The following LAMTOR2 variants were observed in gnomAD, a reference collection of about 807,000 sequenced individuals.
The protein encoded by LAMTOR2 is late endosomal/lysosomal adaptor, MAPK and MTOR activator 2.
Under a neutral mutation model 15.8 loss-of-function variants are expected in LAMTOR2, and 4 were observed. The observed-to-expected ratio is 0.25, with a 90% CI of 0.12 to 0.58. The LOEUF (loss-of-function observed/expected upper bound fraction) is 0.58, where lower values mean the gene tolerates loss of function less well. Ranked by LOEUF, LAMTOR2 falls within the 20% of genes least tolerant of loss-of-function variation. The pLI is 0.91. For synonymous variants in LAMTOR2, 62 were observed against 64.1 expected, an observed-to-expected ratio of 0.97 and a Z score of 0.15; for missense variants, 100 against 161.0, an observed-to-expected ratio of 0.62 and a Z score of 2.05.
In LAMTOR2 at chr1:156,055,227, C is replaced by G. The variant is rs114401119; in HGVS notation, c.69-36C>G. The G allele has an allele frequency of 3.9e-4, 626 of 1,612,062 alleles. 2 individuals carry two copies. The African/African-American group carries it at 7.6e-3, about 20-fold the overall frequency. ...AAACCCAGACGTTTTACTCCCCGCT[C>G]TGAGCACATCGCTATCCCTCCCCGC... On this transcript the variant is annotated intron_variant, in intron 1 of 3. Transcript: ENST00000368305. The surrounding 1 kb of genome is among the most constrained non-coding windows in gnomAD (Gnocchi z 4.8).
At position 156,058,115 on chromosome 1, in the gene LAMTOR2, T is replaced by C. The variant is rs904600671; in HGVS notation, c.321+48T>C. On this transcript the variant is annotated intron_variant, in intron 3 of 3. Transcript: ENST00000368305. ...ATAGCCCTGGGCCCAGCCTTCGTGC[T>C]TCTACACTGTGTTCACTCCCACCAG... 4 of 1,580,586 alleles carry C rather than the reference T, an allele frequency of 2.5e-6. No homozygotes were observed. In the South Asian group the frequency reaches 3.3e-5, roughly 13 times the overall value.
In LAMTOR2 at chr1:156,054,804, C is replaced by A. The variant is rs961737895; in HGVS notation, c.-86C>A. The A allele has an allele frequency of 2.3e-5, 32 of 1,382,638 alleles. No individual in the cohort carries two copies. The South Asian group carries it at 3.6e-4, about 16-fold the overall frequency. 85.6% of individuals were successfully genotyped at this position (1,382,638 alleles called of 1,614,324 possible). A position where few individuals can be genotyped will look rare whatever the true frequency, so the allele number is the denominator to read the frequency against. On this transcript the variant is annotated 5_prime_UTR_variant, in exon 1 of 4. Transcript: ENST00000368305. ...CCCAGGGCGTCCCGGAGCAGGCCAA[C>A]GGGACTACGGGAAGCAGCGGGCAGC...
rs1188398305 is a variant in LAMTOR2 at position 156,055,325 on chromosome 1, T to C, written c.131T>C (p.Val44Ala). 5.6e-6 allele frequency: 9 copies of C among 1,614,148 alleles called. No homozygotes were observed. Among genetic ancestry groups the C allele is most frequent in the Non-Finnish European group, 7.6e-6 (9 of 1,180,032 alleles). The change falls in exon 2 of 4, where the codon GTC (valine) becomes GCC (alanine). Residue 44 changes from valine to alanine, a missense_variant. By Grantham distance (64) the Val-to-Ala change is moderately conservative. Transcript: ENST00000368305. The surrounding 1 kb of genome is among the most constrained non-coding windows in gnomAD (Gnocchi z 4.8). ...YSGYGDTDARVTAAIASNIWA... is the reference protein window; with the variant it reads ...YSGYGDTDARATAAIASNIWA... ...GGTTACGGGGACACTGACGCCCGGG[T>C]CACCGCTGCCATAGCCAGTAACATC...
chr1:156,058,298 C>T lies in LAMTOR2; in HGVS notation c.322-17C>T. On this transcript the variant is annotated splice_polypyrimidine_tract_variant and intron_variant, in intron 3 of 3. Transcript: ENST00000368305. ...GCCAGGCTGTGTGCGGGACTGATCTCTGTTCTCCCTCTGCAGGCCCAGGCT... is the reference window on the plus strand; with the variant it reads ...GCCAGGCTGTGTGCGGGACTGATCTTTGTTCTCCCTCTGCAGGCCCAGGCT... 6.2e-7 allele frequency: 1 copy of T among 1,614,140 alleles called. No homozygotes were observed. The highest frequency in any genetic ancestry group is 1.3e-5 in the African/African-American group (1 of 75,040).
At chr1:156,057,840 C>A in intron 2 of LAMTOR2, 138 bp from the exon 3 acceptor site, 1 of 809,406 alleles carries the variant, frequency 1.2e-6, no homozygotes, top group South Asian at 1.6e-5. Context: ...TGGCCAAAAG[C>A]TTTTCCGCTG....
chr1:156,055,796 A>T lies in LAMTOR2; in HGVS notation c.231+371A>T. The T allele has an allele frequency of 3.5e-6, 1 of 287,962 alleles. No homozygotes were observed. Among genetic ancestry groups the T allele is most frequent in the Non-Finnish European group, 6.8e-6 (1 of 146,640 alleles). 17.8% of individuals were successfully genotyped at this position (287,962 alleles called of 1,614,324 possible). On this transcript the variant is annotated intron_variant, in intron 2 of 3. Transcript: ENST00000368305. The surrounding 1 kb of genome is among the most constrained non-coding windows in gnomAD (Gnocchi z 4.8). ...GTCAGATGAAATAATGGGTATAAAC[A>T]GTAGAATGACGTGCAAACACAAAGT...
intron 2 of LAMTOR2, chr1:156,056,105 GTGATCCTCC>G (rs1295118161): frequency 1.3e-5 from 2 of 153,242 alleles, no homozygotes; most frequent in African/African-American, 4.8e-5. Flanking sequence ...CTGGGCTCAG[GTGATCCTCC>G]TGCCCCAGCC....
At chr1:156,056,169 A>G (rs980737012) in intron 2 of LAMTOR2, among the ~76,000 whole-genome samples, 1 of 151,916 alleles carries the variant, frequency 6.6e-6, no homozygotes, top group African/African-American at 2.4e-5. Context: ...ACACCTCGCT[A>G]ATTTTTGCAT....
chr1:156,058,460 G>T lies in LAMTOR2; in HGVS notation c.*89G>T. On this transcript the variant is annotated 3_prime_UTR_variant, in exon 4 of 4. Transcript: ENST00000368305. ...GAAGAACCTTCTTAGACAATGGGGG[G>T]AGGATGGGACTTTGTTTTTTCCAAG... 1 of 1,391,162 alleles carries T rather than the reference G, an allele frequency of 7.2e-7. No homozygotes were observed. The highest frequency in any genetic ancestry group is 1.0e-6 in the Non-Finnish European group (1 of 980,060). The allele number at this position is 1,391,162 out of a possible 1,614,324, so 86.2% of individuals were successfully genotyped here.
Position 156,054,977 on chromosome 1 carries a change from C to CCGAGCGG in LAMTOR2, c.68+27_68+33dup. On this transcript the variant is annotated intron_variant, in intron 1 of 3. Transcript: ENST00000368305. Reference sequence around the variant, plus strand: ...CACCCTGTGAGTGCAGACCACGGACCCGAGCGGCGAGCGCTGCAGTGGGGC... The same window carrying CCGAGCGG: ...CACCCTGTGAGTGCAGACCACGGACCCGAGCGGCGAGCGGCGAGCGCTGCAGTGGGGC... 6.2e-7 allele frequency: 1 copy of CCGAGCGG among 1,608,684 alleles called. No individual in the cohort carries two copies. The highest frequency in any genetic ancestry group is 8.5e-7 in the Non-Finnish European group (1 of 1,178,178).
chr1:156,057,899 G>C, intron 2 of LAMTOR2, 79 bp from the exon 3 acceptor site: 1 of 1,310,888 alleles, frequency 7.6e-7, no homozygotes, highest in Non-Finnish European at 1.1e-6. Context: ...GTCTCTCTGG[G>C]GCCAGAGAAG....
rs950390534 is a variant in LAMTOR2, at chr1:156,054,832, C to A, written c.-58C>A. ...GACTACGGGAAGCAGCGGGCAGCGG[C>A]CCGCGGGAGGCACCTCGGAGATCTG... On this transcript the variant is annotated 5_prime_UTR_variant, in exon 1 of 4. Transcript: ENST00000368305. The A allele has an allele frequency of 2.6e-5, 41 of 1,567,730 alleles. No homozygotes were observed. In the African/African-American group the frequency reaches 2.8e-4, roughly 11 times the overall value.
In LAMTOR2 at chr1:156,055,238, G is replaced by T. The variant is rs768459967; in HGVS notation, c.69-25G>T. On this transcript the variant is annotated intron_variant, in intron 1 of 3. Coordinates refer to ENST00000368305, the MANE Select transcript of LAMTOR2 (RefSeq NM_014017.4). This position sits in a 1 kb window ranked among gnomAD's most constrained non-coding sequence, Gnocchi z 4.8. Reference sequence around the variant, plus strand: ...TTTTACTCCCCGCTCTGAGCACATCGCTATCCCTCCCCGCCCCTCACCAGG... The same window carrying T: ...TTTTACTCCCCGCTCTGAGCACATCTCTATCCCTCCCCGCCCCTCACCAGG... 6.2e-7 allele frequency: 1 copy of T among 1,612,772 alleles called. No homozygotes were observed. The highest frequency in any genetic ancestry group is 1.1e-5 in the South Asian group (1 of 91,084).
At chr1:156,057,341 TAATA>T (rs955936416) in intron 2 of LAMTOR2, among the ~76,000 whole-genome samples, 15 of 152,128 alleles carry the variant, frequency 9.9e-5, no homozygotes, top group South Asian at 2.1e-4. Flanking sequence ...AAAAAAATTT[TAATA>T]AATAAATAAA....
intron 3 of LAMTOR2, 100 bp downstream of exon 3, chr1:156,058,167 T>C: frequency 6.7e-7 from 1 of 1,493,408 alleles, no homozygotes; most frequent in Non-Finnish European, 9.3e-7. Context: ...TTCTCATGTC[T>C]ACTCAGTCCA....
In LAMTOR2 at chr1:156,055,698, G is replaced by T; in HGVS notation, c.231+273G>T. The T allele has an allele frequency of 2.0e-6, 1 of 501,450 alleles. No individual in the cohort carries two copies. The highest frequency in any genetic ancestry group is 3.6e-6 in the Non-Finnish European group (1 of 275,026). 31.1% of individuals were successfully genotyped at this position (501,450 alleles called of 1,614,324 possible). ...TGGGTAAGTCGCTTAACCTCTCTCA[G>T]CTTCCTTACCTCATGTTTAAGGAGA... On this transcript the variant is annotated intron_variant, in intron 2 of 3. Transcript: ENST00000368305. The surrounding 1 kb of genome is among the most constrained non-coding windows in gnomAD (Gnocchi z 4.8).
rs781752852 is a variant in LAMTOR2 at position 156,054,882 on chromosome 1, C to T, written c.-8C>T. 3.7e-6 allele frequency: 6 copies of T among 1,612,742 alleles called. No homozygotes were observed. The highest frequency in any genetic ancestry group is 1.7e-5 in the Admixed American group (1 of 59,988). On this transcript the variant is annotated 5_prime_UTR_variant, in exon 1 of 4. Coordinates refer to ENST00000368305, the MANE Select transcript of LAMTOR2 (RefSeq NM_014017.4). ...GGGTGCAAAAGCCCAGGGTTAGGAA[C>T]CGTAGGCATGCTGCGCCCCAAGGCT...
chr1:156,055,195 G>T lies in LAMTOR2; in HGVS notation c.69-68G>T. ...GCTGGATGTGCCCTTGGTGGGACTT[G>T]GGATGGAAACCCAGACGTTTTACTC... On this transcript the variant is annotated intron_variant, in intron 1 of 3. Coordinates refer to ENST00000368305, the MANE Select transcript of LAMTOR2 (RefSeq NM_014017.4). This position sits in a 1 kb window ranked among gnomAD's most constrained non-coding sequence, Gnocchi z 4.8. The T allele has an allele frequency of 6.3e-7, 1 of 1,598,478 alleles. No individual in the cohort carries two copies. The highest frequency in any genetic ancestry group is 1.3e-5 in the African/African-American group (1 of 74,806).
rs755081907 is a variant in LAMTOR2 at position 156,054,968 on chromosome 1, A to G, written c.68+11A>G. On this transcript the variant is annotated intron_variant, in intron 1 of 3. Coordinates refer to ENST00000368305, the MANE Select transcript of LAMTOR2 (RefSeq NM_014017.4). ...CGTCCAGAGCACCCTGTGAGTGCAG[A>G]CCACGGACCCGAGCGGCGAGCGCTG... The G allele has an allele frequency of 6.2e-7, 1 of 1,610,840 alleles. No individual in the cohort carries two copies. The highest frequency in any genetic ancestry group is 1.7e-5 in the Admixed American group (1 of 59,784).
Sources: gnomAD v4.1 joint callset for allele counts (sites outside exome capture counted in the v4.1 genomes callset) on GRCh38, gnomAD v4.1.1 for gene constraint, Gnocchi (gnomAD v3.1) non-coding constraint, MANE v1.5 for transcripts, NCBI Gene and HGNC (gene_info 2026-07-23, HGNC 2026-07-21) for gene names.